Variants in CEMIP2 observed in about 807,000 individuals in gnomAD.
CEMIP2 encodes cell migration inducing hyaluronidase 2, also known as cell surface hyaluronidase CEMIP2.
Under a neutral mutation model 146.9 loss-of-function variants are expected in CEMIP2, and 79 were observed. That is an observed-to-expected ratio of 0.54 (90% CI 0.45 to 0.65). The LOEUF (loss-of-function observed/expected upper bound fraction) is 0.65. CEMIP2 is among the 30% of genes least tolerant of loss of function. The pLI, the probability that CEMIP2 is intolerant of heterozygous loss-of-function variation, is 0.00. For missense variants in CEMIP2, 1,596 were observed against 1,696.2 expected, an observed-to-expected ratio of 0.94 and a Z score of 1.04; for synonymous variants, 601 against 606.3, an observed-to-expected ratio of 0.99 and a Z score of 0.13.
chr9:71,745,630 T>C (rs1005196000), intron 3 of CEMIP2, 51 bp from the exon 4 acceptor site: 3 of 1,490,882 alleles, frequency 2.0e-6, no homozygotes, highest in Non-Finnish European at 2.7e-6. Context: ...CTTTCTGAGA[T>C]ACAAGGAAAT....
At chr9:71,728,302 C>CATATATATATATATATAT (rs1491360011) in intron 10 of CEMIP2, among the ~76,000 whole-genome samples, 1 of 11,584 alleles carries the variant, frequency 8.6e-5, no homozygotes, top group Non-Finnish European at 1.5e-4. Flanking sequence ...TATATATATA[C>CATATATATATATATATAT]ATATATATAT....
intron 1 of CEMIP2, among the ~76,000 whole-genome samples, chr9:71,767,242 C>T (rs1439262817): frequency 2.0e-5 from 3 of 152,172 alleles, no homozygotes; most frequent in African/African-American, 7.2e-5. Flanking sequence ...CCTGGCTGCT[C>T]TGGGGAGTCA....
In CEMIP2 at chr9:71,698,139, C is replaced by T; in HGVS notation, c.3443G>A (p.Gly1148Glu). 1.9e-6 allele frequency: 3 copies of T among 1,614,110 alleles called. No homozygotes were observed. The highest frequency in any genetic ancestry group is 4.5e-5 in the East Asian group (2 of 44,872). The change falls in exon 20 of 24, where the codon GGA becomes GAA. Residue 1148 changes from glycine (G) to glutamate (E), a missense_variant. Gly to Glu is a moderately conservative substitution (Grantham distance 98). Coordinates refer to ENST00000377044, the MANE Select transcript of CEMIP2 (RefSeq NM_013390.3). ...TGCTTGGATCTTGACTCTTTCACAT[C>T]CCTGAGATGAACAGTAACTGTGGCC... is the stretch of plus-strand genomic sequence containing the variant. ...RHGHSYCSSQ[G>E]CERVKIQAAT...
chr9:71,746,833 C>A (rs994139607), intron 2 of CEMIP2, among the ~76,000 whole-genome samples: 3 of 152,140 alleles, frequency 2.0e-5, no homozygotes, highest in Non-Finnish European at 2.9e-5. Flanking sequence ...ACTGATAGCA[C>A]CTCTCTCCAA....
chr9:71,740,740 CAAT>C (rs1823889957), intron 4 of CEMIP2, among the ~76,000 whole-genome samples: 1 of 152,050 alleles, frequency 6.6e-6, no homozygotes, highest in Non-Finnish European at 1.5e-5. Context: ...TTGTAGTTTG[CAAT>C]AATTTATTTT....
At chr9:71,711,958 T>C (rs1822917944) in intron 16 of CEMIP2, 125 bp downstream of exon 16, 2 of 981,786 alleles carry the variant, frequency 2.0e-6, no homozygotes, top group African/African-American at 3.2e-5. Flanking sequence ...GAGCTGGCTC[T>C]GTGTGTATGT....
At chr9:71,704,426 T>A in intron 18 of CEMIP2, 169 bp downstream of exon 18, 1 of 660,384 alleles carries the variant, frequency 1.5e-6, no homozygotes. Flanking sequence ...ATTCAATTTG[T>A]ATAATCTCTT....
At chr9:71,742,198 C>T (rs368468513) in intron 4 of CEMIP2, among the ~76,000 whole-genome samples, 233 of 152,292 alleles carry the variant, frequency 1.5e-3, no homozygotes, top group African/African-American at 5.4e-3. Flanking sequence ...ATTCCACAGC[C>T]GCCCCTGTAT....
intron 13 of CEMIP2, among the ~76,000 whole-genome samples, chr9:71,717,024 T>C (rs1823077037): frequency 6.6e-6 from 1 of 152,210 alleles, no homozygotes; most frequent in Non-Finnish European, 1.5e-5. Context: ...ATTTAAAAGT[T>C]AGCAGGGCGT....
At chr9:71,735,084 T>C in intron 5 of CEMIP2, 90 bp from the exon 6 acceptor site, 1 of 1,451,640 alleles carries the variant, frequency 6.9e-7, no homozygotes, top group Non-Finnish European at 9.1e-7. Flanking sequence ...GATTCACAAA[T>C]CAAAAGTTAA....
intron 15 of CEMIP2, among the ~76,000 whole-genome samples, chr9:71,712,756 C>T (rs1822945520): frequency 6.6e-6 from 1 of 152,176 alleles, no homozygotes; most frequent in African/African-American, 2.4e-5. Context: ...AACATGAGCC[C>T]TCAAGGCTTA....
chr9:71,749,358 CACTT>C lies in CEMIP2; in HGVS notation c.331+681_331+684del, dbSNP rs376892145. ...AAACACAAATATTATTATTTTTAGTCACTTACTTAAACAAAAAAATCTAATATAG... is the reference window on the plus strand; with the variant it reads ...AAACACAAATATTATTATTTTTAGTCACTTAAACAAAAAAATCTAATATAG... On this transcript the variant is annotated intron_variant, in intron 2 of 23. Transcript: ENST00000377044. Among the ~76,000 whole-genome samples, 448 of 151,752 alleles carry C rather than the reference CACTT, an allele frequency of 3.0e-3. 20 individuals carry two copies. In the South Asian group the frequency reaches 0.086, roughly 29 times the overall value.
At chr9:71,707,709 G>A (rs73477426) in intron 17 of CEMIP2, among the ~76,000 whole-genome samples, 5,870 of 152,214 alleles carry the variant, frequency 0.039, 384 homozygotes, top group African/African-American at 0.13. Flanking sequence ...AGCACAGCAC[G>A]GATCCTCCCC....
At chr9:71,686,661 T>G (rs2131844553) in intron 22 of CEMIP2, 1 of 152,248 alleles carries the variant, frequency 6.6e-6, no homozygotes, top group South Asian at 2.1e-4. Context: ...TTGTTGTTGT[T>G]GTTTATAATT....
chr9:71,706,762 G>A (rs1822753300), intron 17 of CEMIP2, among the ~76,000 whole-genome samples: 1 of 152,132 alleles, frequency 6.6e-6, no homozygotes, highest in South Asian at 2.1e-4. Context: ...GAATACTCAT[G>A]GCTGGCAAGA....
chr9:71,713,284 A>G (rs1207352520), intron 15 of CEMIP2, among the ~76,000 whole-genome samples: 1 of 152,126 alleles, frequency 6.6e-6, no homozygotes, highest in Non-Finnish European at 1.5e-5. Flanking sequence ...TTTTAAAAAC[A>G]GGAGTTTCCC....
rs143624540 is a variant in CEMIP2 at position 71,751,205 on chromosome 9, T to C, written c.-12-820A>G. 4.7e-3 allele frequency among the ~76,000 whole-genome samples: 715 copies of C among 152,306 alleles called. 12 individuals are homozygous for C. The highest frequency in any genetic ancestry group is 0.016 in the African/African-American group (676 of 41,566). ...TCACCACTATCCATTTTCAGAACTT[T>C]TTCATCATCCCAAACAAAAACTCTA... On this transcript the variant is annotated intron_variant, in intron 1 of 23. Transcript: ENST00000377044.
intron 17 of CEMIP2, among the ~76,000 whole-genome samples, chr9:71,707,098 G>A (rs1441293131): frequency 1.3e-5 from 2 of 152,182 alleles, no homozygotes; most frequent in African/African-American, 4.8e-5. Flanking sequence ...AAAGTGCTGG[G>A]ATTACAGGCG....
chr9:71,741,246 G>A (rs186073570), intron 4 of CEMIP2, among the ~76,000 whole-genome samples: 171 of 142,402 alleles, frequency 1.2e-3, no homozygotes, highest in Admixed American at 3.8e-3. Context: ...ACCCAGGCTG[G>A]AGTACAATGG....
Sources: allele counts gnomAD v4.1 joint callset (sites outside exome capture counted in the v4.1 genomes callset), GRCh38; gene constraint gnomAD v4.1.1; transcripts MANE v1.5; gene names NCBI Gene and HGNC (gene_info 2026-07-23, HGNC 2026-07-21).